Variants in AUTS2 observed in about 807,000 individuals in gnomAD.
AUTS2 encodes autism susceptibility gene 2 protein.
In AUTS2, 17 loss-of-function variants were observed where a neutral mutation model predicts 112.4. The observed-to-expected ratio is 0.15, with a 90% CI of 0.10 to 0.23. The LOEUF (loss-of-function observed/expected upper bound fraction) is 0.23. Ranked by LOEUF, AUTS2 falls within the 10% of genes least tolerant of loss-of-function variation. The pLI is 1.00. For synonymous variants in AUTS2, 751 were observed against 702.7 expected, an observed-to-expected ratio of 1.07 and a Z score of -1.09; for missense variants, 1,510 against 1,701.6, an observed-to-expected ratio of 0.89 and a Z score of 1.98.
chr7:69,836,326 G>T (rs1225745412), intron 1 of AUTS2, among the ~76,000 whole-genome samples: 1 of 152,176 alleles, frequency 6.6e-6, no homozygotes, highest in African/African-American at 2.4e-5. Context: ...TTGGAGAGAT[G>T]ACTGGCCACA....
chr7:70,575,018 G>T (rs963890579), intron 5 of AUTS2, among the ~76,000 whole-genome samples: 1 of 152,168 alleles, frequency 6.6e-6, no homozygotes, highest in Admixed American at 6.5e-5. Flanking sequence ...GGCCCCTGCC[G>T]CTTTAAGTGG....
In AUTS2 at chr7:69,942,282, T is replaced by C. The variant is rs79843765; in HGVS notation, c.522+42784T>C. 3.0e-3 allele frequency among the ~76,000 whole-genome samples: 457 copies of C among 152,266 alleles called. 3 individuals are homozygous for C. The highest frequency in any genetic ancestry group is 0.01 in the African/African-American group (434 of 41,552). Reference sequence around the variant, plus strand: ...TGACATATTGTGGGCACTCAGTAAATCTTAGGAGGATAAATGAACAAAAAA... The same window carrying C: ...TGACATATTGTGGGCACTCAGTAAACCTTAGGAGGATAAATGAACAAAAAA... On this transcript the variant is annotated intron_variant, in intron 2 of 18. Coordinates refer to ENST00000342771, the MANE Select transcript of AUTS2 (RefSeq NM_015570.4).
chr7:69,796,207 A>G (rs984385346), intron 1 of AUTS2, among the ~76,000 whole-genome samples: 1 of 152,148 alleles, frequency 6.6e-6, no homozygotes, highest in African/African-American at 2.4e-5. Context: ...AGACGGATGG[A>G]GTGGAGTAGA....
intron 4 of AUTS2, among the ~76,000 whole-genome samples, chr7:70,299,784 C>T (rs1419468390): frequency 6.6e-6 from 1 of 151,290 alleles, no homozygotes; most frequent in African/African-American, 2.4e-5. Flanking sequence ...ATCGGTATGT[C>T]CCAGGTTTGG....
intron 4 of AUTS2, among the ~76,000 whole-genome samples, chr7:70,334,984 C>T (rs1171272773): frequency 2.0e-5 from 3 of 152,084 alleles, no homozygotes; most frequent in African/African-American, 7.2e-5. Context: ...GAGATTTTTG[C>T]CAGCCCTCTT....
At chr7:70,318,566 A>G (rs1790108473) in intron 4 of AUTS2, among the ~76,000 whole-genome samples, 1 of 152,174 alleles carries the variant, frequency 6.6e-6, no homozygotes, top group Non-Finnish European at 1.5e-5. Context: ...AGATTGGGTA[A>G]GTCTTTCAGA....
At chr7:69,717,640 G>GA (rs1257578653) in intron 1 of AUTS2, among the ~76,000 whole-genome samples, 3 of 152,278 alleles carry the variant, frequency 2.0e-5, no homozygotes, top group African/African-American at 7.2e-5. Context: ...TATTGTTTGG[G>GA]AAACTATTCC....
chr7:70,749,020 C>T (rs560799313), intron 6 of AUTS2, among the ~76,000 whole-genome samples: 2 of 152,248 alleles, frequency 1.3e-5, no homozygotes. Flanking sequence ...CTGCATAGAG[C>T]CGGACTGGGA....
At chr7:69,710,676 A>G (rs1375411593) in intron 1 of AUTS2, among the ~76,000 whole-genome samples, 3 of 152,244 alleles carry the variant, frequency 2.0e-5, no homozygotes, top group Non-Finnish European at 2.9e-5. Context: ...AGTCCTTTTT[A>G]AAGAAGCATT....
At chr7:70,765,553 C>G (rs1299134217) in intron 8 of AUTS2, among the ~76,000 whole-genome samples, 1 of 152,150 alleles carries the variant, frequency 6.6e-6, no homozygotes. Flanking sequence ...GGTCAAGCGT[C>G]CCAGTTTTGG....
At chr7:70,488,686 C>G (rs561276789) in intron 5 of AUTS2, among the ~76,000 whole-genome samples, 1 of 152,274 alleles carries the variant, frequency 6.6e-6, no homozygotes, top group African/African-American at 2.4e-5. Context: ...TCCTAGCTCT[C>G]AGGATTCCTC....
chr7:69,726,947 T>C (rs1166822332), intron 1 of AUTS2, among the ~76,000 whole-genome samples: 1 of 152,220 alleles, frequency 6.6e-6, no homozygotes, highest in Non-Finnish European at 1.5e-5. Context: ...ATGTGAGTAC[T>C]TCTTTCAGTC....
intron 4 of AUTS2, among the ~76,000 whole-genome samples, chr7:70,233,714 A>T (rs1468179345): frequency 6.6e-6 from 1 of 152,202 alleles, no homozygotes; most frequent in Non-Finnish European, 1.5e-5. Flanking sequence ...TGATGCTAAC[A>T]TTATCCCCGT....
chr7:70,702,207 C>T (rs1563138784), intron 6 of AUTS2, among the ~76,000 whole-genome samples: 1 of 152,228 alleles, frequency 6.6e-6, no homozygotes, highest in Admixed American at 6.5e-5. Flanking sequence ...GAAGGGAAGC[C>T]TGTCTGGGAG....
intron 2 of AUTS2, among the ~76,000 whole-genome samples, chr7:69,944,038 T>A (rs1318450549): frequency 6.6e-6 from 1 of 152,174 alleles, no homozygotes; most frequent in Non-Finnish European, 1.5e-5. Context: ...CTCATCTAAC[T>A]TCATAGATTA....
intron 4 of AUTS2, among the ~76,000 whole-genome samples, chr7:70,179,057 C>T (rs1407453672): frequency 1.3e-5 from 2 of 152,166 alleles, no homozygotes; most frequent in African/African-American, 2.4e-5. Flanking sequence ...CTGGGCACTA[C>T]GGGTTTTACC....
chr7:70,281,212 C>T (rs991223118), intron 4 of AUTS2, among the ~76,000 whole-genome samples: 2 of 152,152 alleles, frequency 1.3e-5, no homozygotes, highest in African/African-American at 2.4e-5. Flanking sequence ...CTTTTTATCC[C>T]TCTGCCCATA....
chr7:70,018,256 A>G (rs1200721177), intron 2 of AUTS2, among the ~76,000 whole-genome samples: 1 of 151,652 alleles, frequency 6.6e-6, no homozygotes, highest in South Asian at 2.1e-4. Flanking sequence ...TTTTCCTTTA[A>G]CTTTTCTATA....
chr7:69,826,967 G>A (rs753210803), intron 1 of AUTS2, among the ~76,000 whole-genome samples: 15 of 152,126 alleles, frequency 9.9e-5, no homozygotes, highest in Non-Finnish European at 1.8e-4. Context: ...GGGATAAAGA[G>A]TCAACACCCA....
Sources: gnomAD v4.1 joint callset for allele counts (sites outside exome capture counted in the v4.1 genomes callset) on GRCh38, gnomAD v4.1.1 for gene constraint, MANE v1.5 for transcripts, NCBI Gene and HGNC (gene_info 2026-07-23, HGNC 2026-07-21) for gene names.